Variants in NLGN1 observed in about 807,000 individuals in gnomAD.
The protein encoded by NLGN1 is neuroligin 1.
A neutral mutation model predicts 65.5 loss-of-function variants in NLGN1; 12 were observed. That is an observed-to-expected ratio of 0.18 (90% confidence interval 0.12 to 0.30). The LOEUF is 0.30. Ranked by LOEUF, NLGN1 falls within the 10% of genes least tolerant of loss-of-function variation. NLGN1 has a pLI of 1.00. For synonymous variants in NLGN1, 350 were observed against 359.5 expected (o/e 0.97, Z 0.30); for missense variants, 750 against 1,007.1 (o/e 0.74, Z 3.46).
intron 4 of NLGN1, among the ~76,000 whole-genome samples, chr3:174,269,615 C>T (rs1006827362): frequency 6.6e-6 from 1 of 151,856 alleles, no homozygotes; most frequent in African/African-American, 2.4e-5. Context: ...TGGGTTGCTT[C>T]CTCTTGGCTA....
chr3:173,760,502 G>A (rs975044785), intron 3 of NLGN1, among the ~76,000 whole-genome samples: 11 of 151,852 alleles, frequency 7.2e-5, no homozygotes, highest in Non-Finnish European at 1.6e-4. Flanking sequence ...AAGTTCTTGC[G>A]ACAGTGAATG....
chr3:173,954,676 T>C (rs1711551798), intron 4 of NLGN1, among the ~76,000 whole-genome samples: 1 of 152,072 alleles, frequency 6.6e-6, no homozygotes, highest in Non-Finnish European at 1.5e-5. Context: ...TAGAACTGAC[T>C]ATTGCTCACA....
At chr3:174,254,910 AT>A (rs1745402480) in intron 4 of NLGN1, among the ~76,000 whole-genome samples, 1 of 152,186 alleles carries the variant, frequency 6.6e-6, no homozygotes, top group South Asian at 2.1e-4. Flanking sequence ...TGTTATATAT[AT>A]TTTAACTACT....
intron 3 of NLGN1, among the ~76,000 whole-genome samples, chr3:173,788,979 C>T (rs1711979518): frequency 6.6e-6 from 1 of 151,682 alleles, no homozygotes; most frequent in Non-Finnish European, 1.5e-5. Context: ...AGGCAGATCA[C>T]GAGGTCAGGA....
chr3:174,019,930 G>A (rs888991051), intron 4 of NLGN1, among the ~76,000 whole-genome samples: 9 of 152,058 alleles, frequency 5.9e-5, no homozygotes, highest in Non-Finnish European at 1.2e-4. Flanking sequence ...TCACAAGATT[G>A]TATGATTAAT....
intron 3 of NLGN1, among the ~76,000 whole-genome samples, chr3:173,661,988 GTCTGT>G (rs971828766): frequency 6.6e-6 from 1 of 151,896 alleles, no homozygotes; most frequent in South Asian, 2.1e-4. Context: ...GAAGGCATTG[GTCTGT>G]TCTGTTAGAA....
chr3:173,665,596 G>A (rs956417354), intron 3 of NLGN1, among the ~76,000 whole-genome samples: 5 of 152,132 alleles, frequency 3.3e-5, no homozygotes, highest in Admixed American at 3.3e-4. Context: ...AATCTCGCAT[G>A]TGTAAACAGT....
At chr3:173,676,672 TGTA>T (rs1374733047) in intron 3 of NLGN1, among the ~76,000 whole-genome samples, 1 of 152,266 alleles carries the variant, frequency 6.6e-6, no homozygotes, top group East Asian at 1.9e-4. Context: ...ATTGGGAACA[TGTA>T]GTTGCTGCAC....
chr3:173,931,093 C>G (rs1336590742), intron 4 of NLGN1, among the ~76,000 whole-genome samples: 1 of 152,090 alleles, frequency 6.6e-6, no homozygotes, highest in Non-Finnish European at 1.5e-5. Context: ...TCTATGATTG[C>G]TTAGTTATAT....
chr3:173,777,959 T>C (rs1780567396), intron 3 of NLGN1, among the ~76,000 whole-genome samples: 2 of 151,980 alleles, frequency 1.3e-5, no homozygotes, highest in East Asian at 1.9e-4. Flanking sequence ...AAACAATCAA[T>C]ACTTCACTAT....
intron 4 of NLGN1, among the ~76,000 whole-genome samples, chr3:173,983,407 G>C (rs1236973612): frequency 6.6e-6 from 1 of 152,166 alleles, no homozygotes; most frequent in Non-Finnish European, 1.5e-5. Flanking sequence ...GCTTCTGGTC[G>C]AGTCCAGCAG....
chr3:173,904,362 G>A (rs1180233393), intron 4 of NLGN1, among the ~76,000 whole-genome samples: 3 of 152,204 alleles, frequency 2.0e-5, no homozygotes, highest in Admixed American at 1.3e-4. Context: ...AAACAACATA[G>A]GAAGATATCT....
intron 4 of NLGN1, among the ~76,000 whole-genome samples, chr3:173,826,500 A>G (rs577054502): frequency 4.6e-5 from 7 of 152,234 alleles, no homozygotes; most frequent in East Asian, 1.9e-4. Context: ...TACTCATTTG[A>G]TCATAAGCAG....
intron 1 of NLGN1, among the ~76,000 whole-genome samples, chr3:173,425,110 A>G (rs563957490): frequency 6.6e-6 from 1 of 152,226 alleles, no homozygotes; most frequent in East Asian, 1.9e-4. Context: ...AGAGAGAGAG[A>G]AGAGCGAGGA....
chr3:174,034,356 T>C (rs1017355022), intron 4 of NLGN1, among the ~76,000 whole-genome samples: 8 of 151,912 alleles, frequency 5.3e-5, no homozygotes, highest in African/African-American at 1.7e-4. Flanking sequence ...TTGATATATG[T>C]CAGAAACTTG....
At chr3:173,592,976 G>A (rs1748786889) in intron 2 of NLGN1, among the ~76,000 whole-genome samples, 2 of 152,116 alleles carry the variant, frequency 1.3e-5, no homozygotes, top group Non-Finnish European at 2.9e-5. Context: ...AGCCTCCACA[G>A]CATTTGGGTT....
chr3:174,044,841 C>T (rs1342306268), intron 4 of NLGN1, among the ~76,000 whole-genome samples: 1 of 152,064 alleles, frequency 6.6e-6, no homozygotes, highest in Non-Finnish European at 1.5e-5. Context: ...TGCTGCTCTT[C>T]TCATGATAGT....
intron 4 of NLGN1, among the ~76,000 whole-genome samples, chr3:174,177,685 T>C (rs890729218): frequency 1.3e-5 from 2 of 152,044 alleles, no homozygotes; most frequent in Non-Finnish European, 2.9e-5. Context: ...AAGAAAAATA[T>C]GAGATTCTTA....
chr3:173,450,534 T>G (rs1431852501), intron 2 of NLGN1, among the ~76,000 whole-genome samples: 4 of 152,164 alleles, frequency 2.6e-5, no homozygotes, highest in African/African-American at 7.2e-5. Context: ...CTGACAATTA[T>G]GTGTCTTGGA....
Sources: allele counts gnomAD v4.1 joint callset (sites outside exome capture counted in the v4.1 genomes callset), GRCh38; gene constraint gnomAD v4.1.1; transcripts MANE v1.5; gene names NCBI Gene and HGNC (gene_info 2026-07-23, HGNC 2026-07-21).